Variants in SLC22A5 observed in about 807,000 individuals in gnomAD.
The protein encoded by SLC22A5 is solute carrier family 22 member 5, also known as organic cation/carnitine transporter 2.
Under a neutral mutation model 56.7 loss-of-function variants are expected in SLC22A5, and 44 were observed. The ratio of observed to expected loss-of-function variants is 0.78; its 90% CI spans 0.61 to 1.00. The LOEUF is 1.00. SLC22A5 is among the 50% of genes least tolerant of loss of function. SLC22A5 has a pLI of 0.00. For missense variants in SLC22A5, 675 were observed against 723.0 expected (o/e 0.93, Z 0.76); for synonymous variants, 278 against 292.1 (o/e 0.95, Z 0.49).
Position 132,392,414 on chromosome 5 carries a change from C to T in SLC22A5, c.1268-19C>T, listed in dbSNP as rs1222811192. 13 of 1,613,222 alleles carry T rather than the reference C, an allele frequency of 8.1e-6. No individual in the cohort carries two copies. The East Asian group carries it at 2.9e-4, about 36-fold the overall frequency. ...ATGGGTTGGTACCTACTCCTACCCT[C>T]TTTCCTTTGCTTCTCCAGACTTGTA... On this transcript the variant is annotated intron_variant, in intron 7 of 9. Coordinates refer to ENST00000245407, the MANE Select transcript of SLC22A5 (RefSeq NM_003060.4).
At chr5:132,375,044 ACT>A (rs1008176886) in intron 1 of SLC22A5, among the ~76,000 whole-genome samples, 3 of 152,016 alleles carry the variant, frequency 2.0e-5, no homozygotes, top group Non-Finnish European at 4.4e-5. Flanking sequence ...ACAGAGCAAG[ACT>A]CTGTTTCAAA....
chr5:132,378,278 T>C (rs2126775454), intron 1 of SLC22A5, 100 bp from the exon 2 acceptor site: 1 of 1,613,802 alleles, frequency 6.2e-7, no homozygotes, highest in Non-Finnish European at 8.5e-7. Context: ...TCAGAGCGTG[T>C]GGGGATGGCA....
At chr5:132,388,221 G>C (rs774123339) in intron 5 of SLC22A5, among the ~76,000 whole-genome samples, 1 of 152,190 alleles carries the variant, frequency 6.6e-6, no homozygotes, top group East Asian at 1.9e-4. Flanking sequence ...AGCCCCACTG[G>C]CATCTTTGAG....
At chr5:132,370,973 A>T (rs1429439447) in intron 1 of SLC22A5, among the ~76,000 whole-genome samples, 1 of 64,068 alleles carries the variant, frequency 1.6e-5, no homozygotes, top group African/African-American at 4.6e-5. Context: ...TTTGAGACAG[A>T]GTCTCCCTCT....
rs368304403 is a variant in SLC22A5, at chr5:132,390,155, C to T, written c.1053-535C>T. ...AGCCACCTCTGTGCTCCACAAGTACCGCGGGGCTGGTGTCAGCTGTCTCTG... is the reference window on the plus strand; with the variant it reads ...AGCCACCTCTGTGCTCCACAAGTACTGCGGGGCTGGTGTCAGCTGTCTCTG... On this transcript the variant is annotated intron_variant, in intron 6 of 9. Transcript: ENST00000245407. The T allele has an allele frequency of 2.5e-3, 505 of 199,128 alleles. 3 individuals carry two copies. The highest frequency in any genetic ancestry group is 0.011 in the African/African-American group (464 of 42,540). 12.3% of individuals were successfully genotyped at this position (199,128 alleles called of 1,614,324 possible). A position where few individuals can be genotyped will look rare whatever the true frequency, so the allele number is the denominator to read the frequency against.
Position 132,389,154 on chromosome 5 carries a change from TG to T in SLC22A5, c.1052+134del, listed in dbSNP as rs1391966257. The T allele has an allele frequency of 8.7e-6, 6 of 688,958 alleles. No homozygotes were observed. In the Admixed American group the frequency reaches 1.1e-4, roughly 12 times the overall value. 42.7% of individuals were successfully genotyped at this position (688,958 alleles called of 1,614,324 possible). On this transcript the variant is annotated intron_variant, in intron 6 of 9. Coordinates refer to ENST00000245407, the MANE Select transcript of SLC22A5 (RefSeq NM_003060.4). The stretch of plus-strand genomic sequence containing the variant: ...CAGAGAGTGAAAAGGATATGTCTTG[TG>T]TTAGATGGAAAAAATGGGCATGTCA...
intron 6 of SLC22A5, chr5:132,389,530 G>A (rs1752634877): frequency 5.8e-6 from 1 of 171,318 alleles, no homozygotes; most frequent in Non-Finnish European, 1.3e-5. Flanking sequence ...CACTAATGAG[G>A]CAAAGTATGT....
At chr5:132,374,036 T>G (rs980863572) in intron 1 of SLC22A5, among the ~76,000 whole-genome samples, 1 of 151,948 alleles carries the variant, frequency 6.6e-6, no homozygotes, top group East Asian at 1.9e-4. Context: ...GCCAACATGG[T>G]GAAACCTCGT....
chr5:132,378,654 T>C, intron 2 of SLC22A5, 173 bp downstream of exon 2: 1 of 639,618 alleles, frequency 1.6e-6, no homozygotes, highest in Non-Finnish European at 2.8e-6. Flanking sequence ...AGCCAACAAA[T>C]CTGACTCCGT....
chr5:132,384,355 C>T (rs1387672806), intron 3 of SLC22A5, 54 bp downstream of exon 3: 4 of 1,547,110 alleles, frequency 2.6e-6, no homozygotes, highest in Non-Finnish European at 1.8e-6. Flanking sequence ...ACCATCATCC[C>T]ATCACCTACC....
Position 132,387,112 on chromosome 5 carries a change from T to C in SLC22A5, c.912T>C (p.Asn304=). 2 of 1,614,162 alleles carry C rather than the reference T, an allele frequency of 1.2e-6. No homozygotes were observed. Among genetic ancestry groups the C allele is most frequent in the South Asian group, 1.1e-5 (1 of 91,086 alleles). The part of the protein sequence containing the change: ...EVIIRKAAKA[N]GIVVPSTIFD... ...TCATCCGCAAGGCTGCCAAAGCCAA[T>C]GGGATTGTTGTGCCTTCCACTATCT... Residue 304 remains asparagine (N), a synonymous_variant, in exon 5 of 10, where the codon AAT becomes AAC. Transcript: ENST00000245407.
chr5:132,392,436 T>C lies in SLC22A5; in HGVS notation c.1271T>C (p.Leu424Ser), dbSNP rs184618759. Residue 424 changes from leucine to serine, a missense_variant, in exon 8 of 10, where the codon TTG (leucine) becomes TCG (serine). Leu to Ser is a moderately radical substitution (Grantham distance 145). Transcript: ENST00000245407. ...CCTCTTTCCTTTGCTTCTCCAGACTTGTATTATTTGGCTACAGTCCTGGTG... is the reference window on the plus strand; with the variant it reads ...CCTCTTTCCTTTGCTTCTCCAGACTCGTATTATTTGGCTACAGTCCTGGTG... Reference protein sequence around the residue: ...LLFMQLVPPDLYYLATVLVMV... With the variant: ...LLFMQLVPPDSYYLATVLVMV... The C allele has an allele frequency of 4.3e-5, 69 of 1,614,172 alleles. 1 individual carries two copies. The highest frequency in any genetic ancestry group is 3.5e-4 in the South Asian group (32 of 91,084).
At chr5:132,392,394 T>A (rs1283153539) in intron 7 of SLC22A5, 39 bp from the exon 8 acceptor site, 2 of 1,579,424 alleles carry the variant, frequency 1.3e-6, no homozygotes, top group Non-Finnish European at 1.7e-6. Context: ...ATGCCATGGG[T>A]TGGTACCTAC....
At chr5:132,386,678 A>G (rs966480883) in intron 4 of SLC22A5, among the ~76,000 whole-genome samples, 2 of 152,190 alleles carry the variant, frequency 1.3e-5, no homozygotes, top group Non-Finnish European at 2.9e-5. Flanking sequence ...CTGGGCTGAC[A>G]TAGACATGCA....
intron 1 of SLC22A5, among the ~76,000 whole-genome samples, chr5:132,371,840 G>T (rs1244434057): frequency 6.6e-6 from 1 of 152,094 alleles, no homozygotes; most frequent in Admixed American, 6.5e-5. Flanking sequence ...TTCAAGCCCT[G>T]CTGGATGTTG....
At chr5:132,370,665 CTG>C (rs1751877599) in intron 1 of SLC22A5, among the ~76,000 whole-genome samples, 1 of 152,196 alleles carries the variant, frequency 6.6e-6, no homozygotes, top group South Asian at 2.1e-4. Context: ...CTCTATGGCC[CTG>C]TGTGTCCAGG....
At chr5:132,388,884 C>T (rs954401609) in intron 5 of SLC22A5, 37 bp from the exon 6 acceptor site, 2 of 1,343,422 alleles carry the variant, frequency 1.5e-6, no homozygotes, top group South Asian at 1.2e-5. Flanking sequence ...CTCTGACCAC[C>T]TCTTCTTCCC....
chr5:132,388,812 G>A (rs1021893524), intron 5 of SLC22A5, 109 bp from the exon 6 acceptor site: 9 of 796,462 alleles, frequency 1.1e-5, no homozygotes, highest in South Asian at 5.5e-5. Context: ...AACACTCCCC[G>A]ACGCTGAGAT....
chr5:132,373,757 C>G (rs535990239), intron 1 of SLC22A5, among the ~76,000 whole-genome samples: 13 of 152,284 alleles, frequency 8.5e-5, no homozygotes, highest in Non-Finnish European at 1.5e-4. Context: ...TCCTCTGGCC[C>G]CTCAGTCATC....
Sources: allele counts gnomAD v4.1 joint callset (sites outside exome capture counted in the v4.1 genomes callset), GRCh38; gene constraint gnomAD v4.1.1; transcripts MANE v1.5; gene names NCBI Gene and HGNC (gene_info 2026-07-23, HGNC 2026-07-21).